Variants in NUMA1 observed in about 807,000 individuals in gnomAD.
NUMA1 encodes the protein nuclear mitotic apparatus protein 1.
In NUMA1, 62 loss-of-function variants were observed where a neutral mutation model predicts 237.1. The ratio of observed to expected loss-of-function variants is 0.26; its 90% CI spans 0.21 to 0.32. The LOEUF is 0.32. NUMA1 is among the 10% of genes least tolerant of loss of function. The pLI is 1.00. For synonymous variants in NUMA1, 1,028 were observed against 1,066.1 expected (o/e 0.96, Z 0.70); for missense variants, 2,533 against 2,666.5 (o/e 0.95, Z 1.10).
At position 72,035,892 on chromosome 11, in the gene NUMA1, G is replaced by A. The variant is rs1177618821; in HGVS notation, c.42+10C>T. ...AAGTATAGCCAACAAAAGAGAGGAA[G>A]ACTACTTACCCAAGAGAGGAGTGCA... On this transcript the variant is annotated intron_variant, in intron 3 of 26. Coordinates refer to ENST00000393695, the MANE Select transcript of NUMA1 (RefSeq NM_006185.4). 6.2e-7 allele frequency: 1 copy of A among 1,613,732 alleles called. No individual in the cohort carries two copies. The highest frequency in any genetic ancestry group is 1.3e-5 in the African/African-American group (1 of 75,044).
At chr11:72,074,695 C>T (rs1054425474) in intron 1 of NUMA1, among the ~76,000 whole-genome samples, 11 of 152,168 alleles carry the variant, frequency 7.2e-5, no homozygotes, top group African/African-American at 2.7e-4. Context: ...GCTATGATGA[C>T]GCCACTGCAC....
At chr11:72,056,196 T>C (rs1942628450) in intron 2 of NUMA1, among the ~76,000 whole-genome samples, 1 of 151,790 alleles carries the variant, frequency 6.6e-6, no homozygotes, top group Non-Finnish European at 1.5e-5. Flanking sequence ...TATGGTGGCA[T>C]GCCTGAAGTC....
intron 4 of NUMA1, chr11:72,024,592 C>G (rs1939318522): frequency 1.9e-6 from 1 of 525,334 alleles, no homozygotes; most frequent in Admixed American, 3.2e-5. Context: ...AGATGGCACT[C>G]TGCCACCCTA....
Position 72,035,894 on chromosome 11 carries a change from C to T in NUMA1, c.42+8G>A. The T allele has an allele frequency of 6.2e-7, 1 of 1,613,874 alleles. No homozygotes were observed. On this transcript the variant is annotated splice_region_variant and intron_variant, in intron 3 of 26. Transcript: ENST00000393695. ...GTATAGCCAACAAAAGAGAGGAAGA[C>T]TACTTACCCAAGAGAGGAGTGCAGC...
intron 20 of NUMA1, chr11:72,008,340 G>C (rs1955892510): frequency 2.5e-6 from 1 of 398,728 alleles, no homozygotes; most frequent in Admixed American, 3.7e-5. Flanking sequence ...AATGCCTTTA[G>C]GATCAAGTCT....
intron 3 of NUMA1, among the ~76,000 whole-genome samples, chr11:72,030,058 A>G (rs1940089030): frequency 6.6e-6 from 1 of 152,088 alleles, no homozygotes; most frequent in Non-Finnish European, 1.5e-5. Flanking sequence ...GAGGGAGCCA[A>G]GCGCGGTGGC....
rs184811762 is a variant in NUMA1, at chr11:72,004,203, C to T, written c.6123+22G>A. ...AGGTCCCGCCAGGGCGTCGCTTCAT[C>T]CCCCTTCAGCCCCAGCCTCACCTGT... On this transcript the variant is annotated intron_variant, in intron 25 of 26. Coordinates refer to ENST00000393695, the MANE Select transcript of NUMA1 (RefSeq NM_006185.4). 7.0e-4 allele frequency: 1,116 copies of T among 1,605,590 alleles called. 6 individuals carry two copies. In the African/African-American group the frequency reaches 0.014, roughly 20 times the overall value.
chr11:72,070,821 G>A (rs1406358700), intron 1 of NUMA1, among the ~76,000 whole-genome samples: 1 of 152,100 alleles, frequency 6.6e-6, no homozygotes, highest in African/African-American at 2.4e-5. Flanking sequence ...TCTAGGAAAC[G>A]CTGCACCCCC....
chr11:72,015,346 T>A lies in NUMA1; in HGVS notation c.2157A>T (p.Glu719Asp). The A allele has an allele frequency of 1.2e-6, 2 of 1,613,328 alleles. No individual in the cohort carries two copies. The highest frequency in any genetic ancestry group is 1.7e-6 in the Non-Finnish European group (2 of 1,180,026). The change falls in exon 15 of 27, where the codon GAA becomes GAT. Residue 719 changes from glutamate to aspartate, a missense_variant. Glu to Asp is a conservative substitution (Grantham distance 45, BLOSUM62 2). Coordinates refer to ENST00000393695, the MANE Select transcript of NUMA1 (RefSeq NM_006185.4). This position sits in a 1 kb window ranked among gnomAD's most constrained non-coding sequence, Gnocchi z 4.0. ...CATCTGCAGCCCTGCGCTTCTCCTC[T>A]TCAAGGCTGCCCTTGGTGACCTTCA... ...ESLKVTKGSL[E>D]EEKRRAADAL... is the part of the protein sequence containing the mutation.
At chr11:72,008,354 T>C in intron 20 of NUMA1, 1 of 410,514 alleles carries the variant, frequency 2.4e-6, no homozygotes, top group African/African-American at 2.0e-5. Context: ...CAAGTCTTAA[T>C]AGTCGGTCTC....
intron 13 of NUMA1, 175 bp downstream of exon 13, chr11:72,017,509 AAGT>A (rs1938019591): frequency 2.8e-6 from 2 of 702,758 alleles, no homozygotes; most frequent in South Asian, 1.6e-5. Context: ...AAAAAAAAAT[AAGT>A]TAAAAAAAAA....
chr11:72,042,261 C>T (rs1213512461), intron 2 of NUMA1: 1 of 152,236 alleles, frequency 6.6e-6, no homozygotes, highest in Non-Finnish European at 1.5e-5. Context: ...TCTTATGCCA[C>T]AAACATTTAC....
chr11:72,034,489 A>G (rs1940763682), intron 3 of NUMA1, among the ~76,000 whole-genome samples: 1 of 151,968 alleles, frequency 6.6e-6, no homozygotes, highest in Non-Finnish European at 1.5e-5. Flanking sequence ...AGGGCGGACC[A>G]CGAGGTCAGG....
At position 72,025,707 on chromosome 11, in the gene NUMA1, A is replaced by G. The variant is rs367760840; in HGVS notation, c.129-1354T>C. ...CCAATGCCAGAGACATCCTGCAAGC[A>G]TAAGCATCATCCAAGCCAAGACTAT... is the stretch of plus-strand genomic sequence containing the variant. On this transcript the variant is annotated intron_variant, in intron 4 of 26. Transcript: ENST00000393695. Among the ~76,000 whole-genome samples, 11 of 152,346 alleles carry G rather than the reference A, an allele frequency of 7.2e-5. No individual in the cohort carries two copies. The East Asian group carries it at 1.9e-3, about 27-fold the overall frequency.
chr11:72,035,778 G>A, intron 3 of NUMA1, 124 bp downstream of exon 3: 1 of 883,534 alleles, frequency 1.1e-6, no homozygotes, highest in Non-Finnish European at 1.9e-6. Flanking sequence ...GCTGTCTAAA[G>A]GAAAACTATT....
intron 2 of NUMA1, among the ~76,000 whole-genome samples, chr11:72,058,824 C>A (rs532387191): frequency 3.9e-5 from 6 of 152,336 alleles, no homozygotes; most frequent in African/African-American, 4.8e-5. Context: ...CCTCCCCTTA[C>A]ATGTGCTCCC....
At chr11:72,067,183 A>G (rs900913602) in intron 2 of NUMA1, 9 of 152,170 alleles carry the variant, frequency 5.9e-5, no homozygotes, top group Non-Finnish European at 1.2e-4. Flanking sequence ...AAAGTAGCCT[A>G]TTTTATCTTT....
intron 13 of NUMA1, 21 bp downstream of exon 13, chr11:72,017,666 G>C: frequency 6.2e-7 from 1 of 1,612,042 alleles, no homozygotes; most frequent in African/African-American, 1.3e-5. Context: ...GACTGTGGCT[G>C]TGACCCCAGC....
At chr11:72,019,001 T>C in intron 9 of NUMA1, 21 bp from the exon 10 acceptor site, 1 of 1,612,160 alleles carries the variant, frequency 6.2e-7, no homozygotes, top group South Asian at 1.1e-5. Flanking sequence ...AGAAGGCCCA[T>C]ATGCATTGGT....
Sources: allele counts gnomAD v4.1 joint callset (sites outside exome capture counted in the v4.1 genomes callset), GRCh38; gene constraint gnomAD v4.1.1; non-coding constraint Gnocchi (gnomAD v3.1); transcripts MANE v1.5; gene names NCBI Gene and HGNC (gene_info 2026-07-23, HGNC 2026-07-21).